Variants in XKR9 observed in about 807,000 individuals in gnomAD.
XKR9 encodes XK related 9, also known as XK-related protein 9.
A neutral mutation model predicts 32.0 loss-of-function variants in XKR9; 32 were observed. That is an observed-to-expected ratio of 1.00 (90% CI 0.76 to 1.34). XKR9 has a LOEUF of 1.34. Among genes scored for constraint, XKR9 ranks in the 40% most tolerant of loss-of-function variants. The pLI is 0.00. For synonymous variants in XKR9, 168 were observed against 143.4 expected (o/e 1.17, Z -1.22); for missense variants, 546 against 429.7 (o/e 1.27, Z -2.39).
the XKR9 span, among the ~76,000 whole-genome samples, chr8:70,796,132 G>A: frequency 5.3e-5 from 8 of 151,840 alleles, no homozygotes; most frequent in African/African-American, 1.9e-4. Context: ...CATGTCACAG[G>A]GGTTTGGTGT....
Position 70,720,410 on chromosome 8 carries a change from A to G in XKR9, c.493+13257A>G, listed in dbSNP as rs1806237888. 1.3e-5 allele frequency among the ~76,000 whole-genome samples: 2 copies of G among 152,298 alleles called. 1 individual carries two copies. The highest frequency in any genetic ancestry group is 3.9e-4 in the East Asian group (2 of 5,178). On this transcript the variant is annotated intron_variant, in intron 4 of 4. Transcript: ENST00000408926. ...AAGGGAATGCTTCCAGCTTTTGCCC[A>G]TTCAGTATGATATTGGCTATGGATA...
At chr8:70,937,764 A>G in the XKR9 span, among the ~76,000 whole-genome samples, 502 of 152,186 alleles carry the variant, frequency 3.3e-3, 2 homozygotes, top group Non-Finnish European at 5.2e-3. Flanking sequence ...TTCAGTCTCA[A>G]TCTTTCTGAC....
the XKR9 span, among the ~76,000 whole-genome samples, chr8:70,968,560 C>T: frequency 9.5e-6 from 1 of 105,744 alleles, no homozygotes; most frequent in Admixed American, 8.4e-5. Context: ...ATTTTTTTCT[C>T]ATCTTTGTGG....
At chr8:70,928,688 G>T in the XKR9 span, among the ~76,000 whole-genome samples, 1 of 151,972 alleles carries the variant, frequency 6.6e-6, no homozygotes, top group Admixed American at 6.6e-5. Context: ...TACTTTCCTG[G>T]ATTTGGTCTT....
At chr8:70,857,960 G>A in the XKR9 span, among the ~76,000 whole-genome samples, 8 of 152,166 alleles carry the variant, frequency 5.3e-5, no homozygotes, top group South Asian at 2.1e-4. Context: ...TTGATGGGAC[G>A]CATCTCAAAA....
chr8:71,016,603 A>G, the XKR9 span, among the ~76,000 whole-genome samples: 1 of 152,318 alleles, frequency 6.6e-6, no homozygotes, highest in South Asian at 2.1e-4. Flanking sequence ...TGTAAGCCCA[A>G]TGTGTACTGC....
the XKR9 span, among the ~76,000 whole-genome samples, chr8:71,060,164 C>T: frequency 6.6e-6 from 1 of 152,176 alleles, no homozygotes; most frequent in Non-Finnish European, 1.5e-5. Flanking sequence ...CTTCAGATAC[C>T]TCCAGTTTTT....
At chr8:70,676,508 T>C (rs1388912664) in intron 2 of XKR9, among the ~76,000 whole-genome samples, 2 of 152,202 alleles carry the variant, frequency 1.3e-5, no homozygotes, top group African/African-American at 4.8e-5. Context: ...TATTCAACAA[T>C]TGAAAGACCT....
intron 4 of XKR9, among the ~76,000 whole-genome samples, chr8:70,714,576 A>C (rs1450229143): frequency 6.6e-6 from 1 of 152,074 alleles, no homozygotes; most frequent in Non-Finnish European, 1.5e-5. Flanking sequence ...GTTTTTGTCA[A>C]CATCATAACT....
At chr8:70,811,833 T>A in the XKR9 span, among the ~76,000 whole-genome samples, 1 of 151,852 alleles carries the variant, frequency 6.6e-6, no homozygotes, top group Non-Finnish European at 1.5e-5. Context: ...CAGGACCAGA[T>A]GGATTCACAG....
chr8:70,813,359 A>G, the XKR9 span, among the ~76,000 whole-genome samples: 3 of 152,240 alleles, frequency 2.0e-5, no homozygotes, highest in Non-Finnish European at 4.4e-5. Context: ...CCTAGGTATT[A>G]CCATTCAGGA....
chr8:70,694,961 G>A (rs186474545), intron 3 of XKR9, among the ~76,000 whole-genome samples: 7 of 152,198 alleles, frequency 4.6e-5, no homozygotes, highest in Admixed American at 1.3e-4. Flanking sequence ...ACTGAAGACC[G>A]AAGGCCCTGC....
chr8:70,978,388 G>A, the XKR9 span, among the ~76,000 whole-genome samples: 16 of 152,132 alleles, frequency 1.1e-4, no homozygotes, highest in Middle Eastern at 6.8e-3. Context: ...TTTCCTTTCC[G>A]TGTTTAGTGC....
chr8:71,039,508 T>G, the XKR9 span, among the ~76,000 whole-genome samples: 1 of 152,172 alleles, frequency 6.6e-6, no homozygotes, highest in African/African-American at 2.4e-5. Context: ...CTAATGAATA[T>G]GCATTACTTT....
chr8:70,785,004 T>G (rs1807664224), intron 2 of XKR9, among the ~76,000 whole-genome samples: 1 of 152,062 alleles, frequency 6.6e-6, no homozygotes, highest in South Asian at 2.1e-4. Context: ...TGTATCACAT[T>G]TATTGATAAT....
At chr8:70,857,330 A>G in the XKR9 span, among the ~76,000 whole-genome samples, 1 of 152,204 alleles carries the variant, frequency 6.6e-6, no homozygotes, top group African/African-American at 2.4e-5. Flanking sequence ...CTACCATCAG[A>G]GAATACTATA....
At chr8:70,969,337 A>G in the XKR9 span, among the ~76,000 whole-genome samples, 8 of 152,320 alleles carry the variant, frequency 5.3e-5, no homozygotes, top group East Asian at 7.7e-4. Flanking sequence ...AACCAGCCAC[A>G]CTGATTAAAG....
chr8:71,026,756 A>T, the XKR9 span, among the ~76,000 whole-genome samples: 1 of 152,286 alleles, frequency 6.6e-6, no homozygotes, highest in African/African-American at 2.4e-5. Context: ...CTCTCTTCTG[A>T]CAGTGATAAT....
the XKR9 span, among the ~76,000 whole-genome samples, chr8:71,028,832 A>T: frequency 6.6e-6 from 1 of 152,178 alleles, no homozygotes; most frequent in Non-Finnish European, 1.5e-5. Flanking sequence ...GCAGCTAACT[A>T]TTCACAGATT....
Sources: allele counts gnomAD v4.1 joint callset (sites outside exome capture counted in the v4.1 genomes callset), GRCh38; gene constraint gnomAD v4.1.1; transcripts MANE v1.5; gene names NCBI Gene and HGNC (gene_info 2026-07-23, HGNC 2026-07-21).